Variants in KIF18B observed in about 807,000 individuals in gnomAD.
KIF18B encodes the protein kinesin family member 18B, also known as kinesin-like protein KIF18B.
Under a neutral mutation model 80.9 loss-of-function variants are expected in KIF18B, and 49 were observed. The ratio of observed to expected loss-of-function variants is 0.61; its 90% confidence interval spans 0.48 to 0.77. The LOEUF (loss-of-function observed/expected upper bound fraction) is 0.77. KIF18B is among the 30% of genes least tolerant of loss of function. KIF18B has a pLI of 0.00. For missense variants in KIF18B, 994 were observed against 1,127.7 expected (o/e 0.88, Z 1.70); for synonymous variants, 439 against 463.9 (o/e 0.95, Z 0.69).
Position 44,928,439 on chromosome 17 carries a change from G to A in KIF18B, c.1863C>T (p.Ser621=). 1.3e-6 allele frequency: 2 copies of A among 1,539,036 alleles called. No homozygotes were observed. The highest frequency in any genetic ancestry group is 2.4e-5 in the East Asian group (1 of 40,996). Residue 621 remains serine, a synonymous_variant, in exon 13 of 16, where the codon TCC becomes TCT. Transcript: ENST00000593135. ...PGPNCTPAQG[S]RWPMEKKRRR... ...TCCTCTTCTTCTCCATGGGCCATCG[G>A]GACCCCTGGGCTGGGGTGCAGTTGG...
In KIF18B at chr17:44,934,172, G is replaced by A; in HGVS notation, c.885+61C>T. The A allele has an allele frequency of 1.3e-6, 2 of 1,595,370 alleles. No homozygotes were observed. Among genetic ancestry groups the A allele is most frequent in the South Asian group, 1.1e-5 (1 of 88,626 alleles). On this transcript the variant is annotated intron_variant, in intron 6 of 15. Transcript: ENST00000593135. The surrounding 1 kb of genome is among the most constrained non-coding windows in gnomAD (Gnocchi z 5.4). Reference sequence around the variant, plus strand: ...CCCAGGATGGGGCCCTGTGGCCTTTGGCCCTGGGTTCAGGTGCTCAGTTGC... The same window carrying A: ...CCCAGGATGGGGCCCTGTGGCCTTTAGCCCTGGGTTCAGGTGCTCAGTTGC...
rs1169023345 is a variant in KIF18B at position 44,926,096 on chromosome 17, A to G, written c.2543T>C (p.Val848Ala). 2 of 1,613,716 alleles carry G rather than the reference A, an allele frequency of 1.2e-6. No homozygotes were observed. Among genetic ancestry groups the G allele is most frequent in the African/African-American group, 2.7e-5 (2 of 74,848 alleles). ...TTCTGGCGGTCAGGACACCTTGGTG[A>G]CGCCGTTCCCTGCTGAGAGTGCTCT... is the stretch of plus-strand genomic sequence containing the variant. ...VGRALSAGNG[V>A]TKVS Residue 848 changes from valine to alanine, a missense_variant, in exon 16 of 16, where the codon GTC becomes GCC. Physicochemically the swap from Val to Ala is moderately conservative, Grantham distance 64 (BLOSUM62 0). Coordinates refer to ENST00000593135, the MANE Select transcript of KIF18B (RefSeq NM_001265577.2).
At position 44,936,099 on chromosome 17, in the gene KIF18B, T is replaced by C. The variant is rs2145713566; in HGVS notation, c.246A>G (p.Gln82=). Residue 82 remains glutamine (Q), a synonymous_variant, in exon 2 of 16, where the codon CAA becomes CAG. Coordinates refer to ENST00000593135, the MANE Select transcript of KIF18B (RefSeq NM_001265577.2). The part of the protein sequence containing the change: ...FDRVFGEAAT[Q]QDVFQHTTHS... ...GCGTGGTGTGCTGGAACACGTCCTG[T>C]TGGGTGGCCGCCTCGCCAAAGACCC... The C allele has an allele frequency of 3.7e-6, 6 of 1,613,832 alleles. No individual in the cohort carries two copies. The East Asian group carries it at 1.1e-4, about 30-fold the overall frequency.
At chr17:44,947,113 C>CAAAAAAAAAAAAAAAAAAAAAAAAAAAAA (rs57955845) in intron 1 of KIF18B, among the ~76,000 whole-genome samples, 1 of 54,008 alleles carries the variant, frequency 1.9e-5, no homozygotes, top group Non-Finnish European at 3.5e-5. Context: ...ACTCCATCTC[C>CAAAAAAAAAAAAAAAAAAAAAAAAAAAAA]AAAAAAAAAA....
chr17:44,945,911 A>AC (rs1271849787), intron 1 of KIF18B, among the ~76,000 whole-genome samples: 3 of 150,548 alleles, frequency 2.0e-5, no homozygotes, highest in Non-Finnish European at 4.4e-5. Flanking sequence ...TCTCAGAAAA[A>AC]AAAAAAAAAA....
chr17:44,935,160 A>G, intron 3 of KIF18B, 99 bp downstream of exon 3: 1 of 1,309,376 alleles, frequency 7.6e-7, no homozygotes, highest in Non-Finnish European at 1.0e-6. Context: ...CCAGCTCTCC[A>G]TTTCCTGCCA....
At chr17:44,932,795 C>G in intron 8 of KIF18B, 22 bp from the exon 9 acceptor site, 3 of 1,602,048 alleles carry the variant, frequency 1.9e-6, no homozygotes, top group Non-Finnish European at 2.6e-6. Flanking sequence ...GCAGCCCAGC[C>G]CCTGAGAGCC....
Position 44,925,015 on chromosome 17 carries a change from G to A in KIF18B, c.*1065C>T, listed in dbSNP as rs543446550. 1.1e-4 allele frequency: 17 copies of A among 152,208 alleles called. No individual in the cohort carries two copies. The highest frequency in any genetic ancestry group is 6.5e-4 in the Admixed American group (10 of 15,284). 9.4% of individuals were successfully genotyped at this position (152,208 alleles called of 1,614,324 possible). On this transcript the variant is annotated 3_prime_UTR_variant, in exon 16 of 16. Coordinates refer to ENST00000593135, the MANE Select transcript of KIF18B (RefSeq NM_001265577.2). ...ATGAAGATGTCCCTCTCAGAAACCAGGAAGAGCCAAGCCGCGACTCCCCGC... is the reference window on the plus strand; with the variant it reads ...ATGAAGATGTCCCTCTCAGAAACCAAGAAGAGCCAAGCCGCGACTCCCCGC...
At chr17:44,946,790 C>T (rs2052518834) in intron 1 of KIF18B, among the ~76,000 whole-genome samples, 1 of 152,116 alleles carries the variant, frequency 6.6e-6, no homozygotes, top group Non-Finnish European at 1.5e-5. Context: ...GCCTGGTCTT[C>T]TGTCATATAA....
At chr17:44,938,164 C>T (rs989967449) in intron 1 of KIF18B, among the ~76,000 whole-genome samples, 16 of 152,026 alleles carry the variant, frequency 1.1e-4, no homozygotes, top group South Asian at 2.1e-4. Context: ...TACAGGTGCC[C>T]GCCGGTGCGC....
chr17:44,939,892 A>C (rs1359233962), intron 1 of KIF18B, among the ~76,000 whole-genome samples: 3 of 152,078 alleles, frequency 2.0e-5, no homozygotes, highest in Non-Finnish European at 4.4e-5. Context: ...GGCTCACTGC[A>C]ACCTCCGCCT....
At position 44,928,918 on chromosome 17, in the gene KIF18B, G is replaced by GCT; in HGVS notation, c.1622_1623dup (p.Leu542SerfsTer15). On this transcript the variant is annotated frameshift_variant, in exon 12 of 16. Transcript: ENST00000593135. LOFTEE classifies it high-confidence loss of function. ...GGCTCAATTTTTTCCTCTTGCACCAGCTGCTGTAGGGTCTCAAACTCTGTG... is the reference window on the plus strand; with the variant it reads ...GGCTCAATTTTTTCCTCTTGCACCAGCTCTGCTGTAGGGTCTCAAACTCTGTG... The GCT allele has an allele frequency of 6.2e-7, 1 of 1,614,002 alleles. No individual in the cohort carries two copies. Among genetic ancestry groups the GCT allele is most frequent in the Non-Finnish European group, 8.5e-7 (1 of 1,179,886 alleles).
At chr17:44,936,618 ATATATATTTTTTTTTT>A (rs1331926614) in intron 1 of KIF18B, among the ~76,000 whole-genome samples, 110 of 72,730 alleles carry the variant, frequency 1.5e-3, no homozygotes, top group African/African-American at 3.2e-3. Context: ...ATATATATAT[ATATATATTTTTTTTTT>A]TTTTTTTTTT....
chr17:44,946,669 T>C (rs577132235), intron 1 of KIF18B, among the ~76,000 whole-genome samples: 12 of 152,324 alleles, frequency 7.9e-5, no homozygotes, highest in African/African-American at 2.6e-4. Context: ...GTGTCTTCAG[T>C]AAAATCCCTT....
At chr17:44,932,839 G>A in intron 8 of KIF18B, 66 bp from the exon 9 acceptor site, 4 of 1,555,728 alleles carry the variant, frequency 2.6e-6, no homozygotes, top group Non-Finnish European at 3.5e-6. Flanking sequence ...GGCAGACAGA[G>A]CCCCCGCCAC....
intron 1 of KIF18B, among the ~76,000 whole-genome samples, chr17:44,943,207 C>T (rs973309290): frequency 6.6e-6 from 1 of 152,038 alleles, no homozygotes; most frequent in Admixed American, 6.5e-5. Flanking sequence ...TCATGCCATT[C>T]TCCTGCCTCA....
At chr17:44,945,906 GAAAAAA>G (rs749503310) in intron 1 of KIF18B, among the ~76,000 whole-genome samples, 2 of 92,056 alleles carry the variant, frequency 2.2e-5, no homozygotes, top group South Asian at 3.7e-4. Context: ...TTCTGTCTCA[GAAAAAA>G]AAAAAAAAAA....
Position 44,927,685 on chromosome 17 carries a change from A to G in KIF18B, c.2276+341T>C, listed in dbSNP as rs2052058447. On this transcript the variant is annotated intron_variant, in intron 13 of 15. Transcript: ENST00000593135. The surrounding 1 kb of genome is among the most constrained non-coding windows in gnomAD (Gnocchi z 4.1). ...AATGCAGCCCAGGCCAAAGAGCCCA[A>G]GTAAAGAGAGGAACAGAAGTGTTGG... 6.6e-6 allele frequency among the ~76,000 whole-genome samples: 1 copy of G among 152,284 alleles called. No homozygotes were observed. The highest frequency in any genetic ancestry group is 6.5e-5 in the Admixed American group (1 of 15,290).
At chr17:44,941,250 T>C (rs1597896012) in intron 1 of KIF18B, among the ~76,000 whole-genome samples, 1 of 152,338 alleles carries the variant, frequency 6.6e-6, no homozygotes, top group Admixed American at 6.5e-5. Flanking sequence ...TAGTCCCTTA[T>C]GTTTGTATAA....
Sources: allele counts gnomAD v4.1 joint callset (sites outside exome capture counted in the v4.1 genomes callset), GRCh38; gene constraint gnomAD v4.1.1; non-coding constraint Gnocchi (gnomAD v3.1); transcripts MANE v1.5; gene names NCBI Gene and HGNC (gene_info 2026-07-23, HGNC 2026-07-21).